COL21A1: variants seen among roughly 807,000 people sequenced by gnomAD.
The protein encoded by COL21A1 is collagen type XXI alpha 1 chain, also known as collagen alpha-1(XXI) chain.
Under a neutral mutation model 137.9 loss-of-function variants are expected in COL21A1, and 149 were observed. The observed-to-expected ratio is 1.08, with a 90% confidence interval of 0.95 to 1.24. The LOEUF (loss-of-function observed/expected upper bound fraction) is 1.24. Ranked by LOEUF, COL21A1 falls within the 50% of genes most tolerant of loss-of-function variation. The probability of loss-of-function intolerance (pLI) is 0.00; values close to 1 mark genes in which losing one functional copy is unlikely to be tolerated. For missense variants in COL21A1, 1,167 were observed against 1,158.4 expected (o/e 1.01, Z -0.11); for synonymous variants, 456 against 391.5 (o/e 1.16, Z -1.95).
At chr6:56,074,702 T>C (rs1205760930) in intron 19 of COL21A1, among the ~76,000 whole-genome samples, 1 of 151,404 alleles carries the variant, frequency 6.6e-6, no homozygotes, top group African/African-American at 2.4e-5. Flanking sequence ...AAGAGTTACA[T>C]TCTAATAAAC....
At chr6:56,352,167 T>C (rs1414940425) in intron 1 of COL21A1, among the ~76,000 whole-genome samples, 3 of 143,412 alleles carry the variant, frequency 2.1e-5, no homozygotes, top group Non-Finnish European at 3.2e-5. Flanking sequence ...AAATCCATGA[T>C]GAACAAAATA....
At chr6:56,381,164 A>C (rs1429227321) in intron 1 of COL21A1, among the ~76,000 whole-genome samples, 1 of 152,132 alleles carries the variant, frequency 6.6e-6, no homozygotes, top group Non-Finnish European at 1.5e-5. Context: ...TATACCATGA[A>C]ATTATCTTGT....
chr6:56,151,893 A>G (rs1489319487), intron 10 of COL21A1, among the ~76,000 whole-genome samples: 1 of 152,090 alleles, frequency 6.6e-6, no homozygotes, highest in Non-Finnish European at 1.5e-5. Context: ...TGACCACCCA[A>G]CGTCACATTC....
chr6:56,151,684 G>C (rs1238689647), intron 10 of COL21A1, among the ~76,000 whole-genome samples: 1 of 152,202 alleles, frequency 6.6e-6, no homozygotes, highest in Non-Finnish European at 1.5e-5. Flanking sequence ...AGCTTATTGA[G>C]GGGGGTTGCA....
At chr6:56,263,567 T>C (rs186301611) in intron 1 of COL21A1, among the ~76,000 whole-genome samples, 126 of 152,324 alleles carry the variant, frequency 8.3e-4, no homozygotes, top group African/African-American at 2.9e-3. Flanking sequence ...TCAAAAACTG[T>C]TCATTACAAA....
chr6:56,368,082 C>T (rs893151948), intron 1 of COL21A1, among the ~76,000 whole-genome samples: 3 of 152,158 alleles, frequency 2.0e-5, no homozygotes, highest in Non-Finnish European at 1.5e-5. Context: ...AATTAAACTA[C>T]TGTGAAAAAA....
intron 1 of COL21A1, among the ~76,000 whole-genome samples, chr6:56,337,254 A>G (rs1315431503): frequency 1.3e-5 from 2 of 152,152 alleles, no homozygotes; most frequent in South Asian, 2.1e-4. Flanking sequence ...ACCACATAAT[A>G]ATGAAAATTG....
intron 1 of COL21A1, among the ~76,000 whole-genome samples, chr6:56,320,067 T>A (rs1332140645): frequency 3.3e-5 from 5 of 152,080 alleles, no homozygotes; most frequent in Admixed American, 3.3e-4. Flanking sequence ...ACTTAATAAG[T>A]CTCTCAAAGC....
intron 16 of COL21A1, among the ~76,000 whole-genome samples, chr6:56,122,391 C>T (rs748889633): frequency 5.5e-4 from 84 of 151,796 alleles, no homozygotes; most frequent in Non-Finnish European, 1.1e-3. Flanking sequence ...CGGCTCACTG[C>T]AAGCTCCGCC....
intron 6 of COL21A1, 127 bp from the exon 7 acceptor site, chr6:56,167,110 C>A: frequency 1.5e-6 from 1 of 671,726 alleles, no homozygotes; most frequent in South Asian, 1.9e-5. Flanking sequence ...CAGCATTTAG[C>A]TAAAACAATG....
chr6:56,157,795 A>G (rs1481565685), intron 9 of COL21A1, among the ~76,000 whole-genome samples: 1 of 152,216 alleles, frequency 6.6e-6, no homozygotes, highest in Non-Finnish European at 1.5e-5. Context: ...TATACTTGCA[A>G]TCTCAGATTA....
intron 1 of COL21A1, chr6:56,231,205 T>C (rs1781533364): frequency 6.6e-6 from 1 of 151,868 alleles, no homozygotes; most frequent in Non-Finnish European, 1.5e-5. Flanking sequence ...AACATGACTA[T>C]GTTTAAAAGA....
intron 3 of COL21A1, among the ~76,000 whole-genome samples, chr6:56,175,855 G>C (rs896302414): frequency 2.0e-5 from 3 of 152,024 alleles, no homozygotes; most frequent in Non-Finnish European, 4.4e-5. Flanking sequence ...TAAGCTGGAG[G>C]CCTCACACTT....
chr6:56,298,552 TAGTAATA>T (rs1165704526), intron 1 of COL21A1, among the ~76,000 whole-genome samples: 6 of 151,922 alleles, frequency 3.9e-5, no homozygotes, highest in Admixed American at 1.3e-4. Flanking sequence ...GATCTAAAAA[TAGTAATA>T]AGGAGTGAAA....
intron 17 of COL21A1, among the ~76,000 whole-genome samples, chr6:56,097,963 A>AAATATATG (rs1769631972): frequency 2.8e-5 from 2 of 71,920 alleles, no homozygotes; most frequent in African/African-American, 1.4e-4. Flanking sequence ...AAAAATATAT[A>AAATATATG]TAAATATATA....
chr6:56,255,520 C>T (rs1305907704), intron 1 of COL21A1, among the ~76,000 whole-genome samples: 1 of 152,148 alleles, frequency 6.6e-6, no homozygotes, highest in Non-Finnish European at 1.5e-5. Flanking sequence ...GCATTACATA[C>T]TGTTGTAAGG....
intron 1 of COL21A1, among the ~76,000 whole-genome samples, chr6:56,185,956 C>G (rs1778265209): frequency 6.6e-6 from 1 of 151,590 alleles, no homozygotes; most frequent in Non-Finnish European, 1.5e-5. Flanking sequence ...GAAGTGAACT[C>G]CCCCCAATTT....
intron 10 of COL21A1, among the ~76,000 whole-genome samples, chr6:56,148,835 T>C (rs1220966832): frequency 6.6e-6 from 1 of 152,206 alleles, no homozygotes; most frequent in Non-Finnish European, 1.5e-5. Context: ...TGAAGTTCAG[T>C]GAATCTTCCC....
chr6:56,137,143 A>C (rs1458511053), intron 12 of COL21A1, among the ~76,000 whole-genome samples: 2 of 152,202 alleles, frequency 1.3e-5, no homozygotes. Context: ...TTCATTTTTC[A>C]GTTCTCCAAA....
Sources: allele counts gnomAD v4.1 joint callset (sites outside exome capture counted in the v4.1 genomes callset), GRCh38; gene constraint gnomAD v4.1.1; transcripts MANE v1.5; gene names NCBI Gene and HGNC (gene_info 2026-07-23, HGNC 2026-07-21).